Variants in TNS3 observed in about 807,000 individuals in gnomAD.
TNS3 encodes the protein tensin-3.
In TNS3, 45 loss-of-function variants were observed where a neutral mutation model predicts 140.9. That is an observed-to-expected ratio of 0.32 (90% CI 0.25 to 0.41). The LOEUF is 0.41. TNS3 is among the 10% of genes least tolerant of loss of function. The pLI, the probability that TNS3 is intolerant of heterozygous loss-of-function variation, is 1.00. For synonymous variants in TNS3, 815 were observed against 788.4 expected (o/e 1.03, Z -0.56); for missense variants, 1,716 against 1,906.7 (o/e 0.90, Z 1.86).
intron 24 of TNS3, among the ~76,000 whole-genome samples, chr7:47,294,721 CTG>C (rs1281207527): frequency 6.6e-6 from 1 of 152,230 alleles, no homozygotes; most frequent in South Asian, 2.1e-4. Context: ...ACAAATATCA[CTG>C]TGTCAGCATT....
intron 17 of TNS3, among the ~76,000 whole-genome samples, chr7:47,352,285 T>C (rs1789727549): frequency 6.6e-6 from 1 of 152,284 alleles, no homozygotes; most frequent in Admixed American, 6.5e-5. Flanking sequence ...TTTTTCATGA[T>C]ACACACATTG....
In TNS3 at chr7:47,480,880, G is replaced by A. The variant is rs554391295; in HGVS notation, c.-76+223C>T. 3.9e-4 allele frequency among the ~76,000 whole-genome samples: 60 copies of A among 152,342 alleles called. 1 individual carries two copies. Among genetic ancestry groups the A allele is most frequent in the African/African-American group, 1.4e-3 (59 of 41,582 alleles). The stretch of plus-strand genomic sequence containing the variant: ...TATTACTGATAGAAAGGCAGCTCCC[G>A]CAAAGGCGCAGCGGATCCTCTTCTC... On this transcript the variant is annotated intron_variant, in intron 4 of 30. Coordinates refer to ENST00000311160, the MANE Select transcript of TNS3 (RefSeq NM_022748.12).
At chr7:47,429,664 C>T (rs1352820057) in intron 8 of TNS3, among the ~76,000 whole-genome samples, 4 of 152,178 alleles carry the variant, frequency 2.6e-5, no homozygotes, top group African/African-American at 7.2e-5. Flanking sequence ...CGTGAGCCAC[C>T]GCACCCGGCC....
chr7:47,344,840 T>C lies in TNS3; in HGVS notation c.2567-2A>G, dbSNP rs1789234872. On this transcript the variant is annotated splice_acceptor_variant, in intron 19 of 30. Coordinates refer to ENST00000311160, the MANE Select transcript of TNS3 (RefSeq NM_022748.12). LOFTEE classifies it high-confidence loss of function. ...GAGGATGGCGCAGCGCTGTTTTCAC[T>C]GGAAAAGAAAGCAGAGCAAGGGGCT... The C allele has an allele frequency of 6.2e-7, 1 of 1,613,736 alleles. No individual in the cohort carries two copies.
chr7:47,428,091 A>C (rs1459982200), intron 9 of TNS3, among the ~76,000 whole-genome samples: 1 of 152,148 alleles, frequency 6.6e-6, no homozygotes, highest in African/African-American at 2.4e-5. Flanking sequence ...ACTTAGAATC[A>C]ATCACACAGT....
intron 4 of TNS3, among the ~76,000 whole-genome samples, chr7:47,467,443 GA>G (rs1796766577): frequency 6.6e-6 from 1 of 152,104 alleles, no homozygotes. Context: ...ATTGTTTCCT[GA>G]TACTCTCGGG....
rs866095914 is a variant in TNS3 at position 47,283,987 on chromosome 7, T to C, written c.3929-122A>G. 24 of 899,206 alleles carry C rather than the reference T, an allele frequency of 2.7e-5. 2 individuals carry two copies. In the Middle Eastern group the frequency reaches 5.3e-3, roughly 199 times the overall value. 55.7% of individuals were successfully genotyped at this position (899,206 alleles called of 1,614,324 possible). ...ATGAACAACTTGCGCATGTGGCCTA[T>C]GCTGGGTGCATGTAAGGCAGATGGC... On this transcript the variant is annotated intron_variant, in intron 27 of 30. Transcript: ENST00000311160.
At chr7:47,402,497 A>C (rs551849081) in intron 13 of TNS3, among the ~76,000 whole-genome samples, 20 of 152,344 alleles carry the variant, frequency 1.3e-4, no homozygotes, top group African/African-American at 4.6e-4. Flanking sequence ...ACTTCTCAGC[A>C]AGACTCAATC....
chr7:47,507,855 C>A (rs1798477186), intron 2 of TNS3, among the ~76,000 whole-genome samples: 1 of 152,350 alleles, frequency 6.6e-6, no homozygotes, highest in South Asian at 2.1e-4. Context: ...ACAGGGACAG[C>A]TGTGGGAGGA....
intron 1 of TNS3, among the ~76,000 whole-genome samples, chr7:47,553,759 T>C (rs1045372779): frequency 1.3e-5 from 2 of 152,138 alleles, no homozygotes; most frequent in African/African-American, 4.8e-5. Flanking sequence ...CTATGGCCCA[T>C]GGATCAAGGA....
rs149627083 is a variant in TNS3, at chr7:47,393,827, C to T, written c.1024+2973G>A. 2.6e-5 allele frequency among the ~76,000 whole-genome samples: 4 copies of T among 152,292 alleles called. No individual in the cohort carries two copies. In the East Asian group the frequency reaches 5.8e-4, roughly 22 times the overall value. ...CTCCTGTCTGGGAACCACTCTTTCC[C>T]GGGTGTCCTTCCCACTCTGCCCTGT... On this transcript the variant is annotated intron_variant, in intron 16 of 30. Coordinates refer to ENST00000311160, the MANE Select transcript of TNS3 (RefSeq NM_022748.12).
At chr7:47,459,136 T>G (rs1053397815) in intron 4 of TNS3, among the ~76,000 whole-genome samples, 23 of 152,198 alleles carry the variant, frequency 1.5e-4, no homozygotes, top group African/African-American at 5.1e-4. Flanking sequence ...TAACAGCATG[T>G]TTTTTGGTCT....
At chr7:47,291,796 C>A (rs1259615706) in intron 27 of TNS3, among the ~76,000 whole-genome samples, 159 bp downstream of exon 27, 1 of 152,152 alleles carries the variant, frequency 6.6e-6, no homozygotes, top group Non-Finnish European at 1.5e-5. Context: ...AACAACTGCA[C>A]CCCACCCAGC....
intron 23 of TNS3, among the ~76,000 whole-genome samples, chr7:47,300,118 C>T (rs1319501767): frequency 6.6e-6 from 1 of 151,872 alleles, no homozygotes; most frequent in Non-Finnish European, 1.5e-5. Flanking sequence ...TGTTTTTTTT[C>T]CTCCTGCATC....
chr7:47,293,636 C>T (rs929958076), intron 25 of TNS3, 97 bp downstream of exon 25: 5 of 1,048,980 alleles, frequency 4.8e-6, no homozygotes, highest in Non-Finnish European at 7.4e-6. Flanking sequence ...GAGTAAACCA[C>T]CATAAGAGTG....
chr7:47,581,001 G>T (rs955495837), intron 1 of TNS3, among the ~76,000 whole-genome samples: 11 of 152,270 alleles, frequency 7.2e-5, no homozygotes, highest in Non-Finnish European at 1.3e-4. Flanking sequence ...CTTCCCAGGG[G>T]GTTGTGACCA....
At chr7:47,355,810 G>A (rs142033194) in intron 17 of TNS3, among the ~76,000 whole-genome samples, 1 of 152,124 alleles carries the variant, frequency 6.6e-6, no homozygotes, top group Non-Finnish European at 1.5e-5. Context: ...CTTGGAGACT[G>A]ATCTTTGCCA....
At chr7:47,289,738 T>A (rs1785596487) in intron 27 of TNS3, among the ~76,000 whole-genome samples, 1 of 152,166 alleles carries the variant, frequency 6.6e-6, no homozygotes. Context: ...TGATGAAAGA[T>A]ACAAAAAACT....
intron 15 of TNS3, among the ~76,000 whole-genome samples, chr7:47,398,522 T>C (rs975968332): frequency 2.0e-5 from 3 of 152,018 alleles, no homozygotes; most frequent in Non-Finnish European, 4.4e-5. Context: ...ATTTAACATA[T>C]AGAAGTCAAT....
Sources: gnomAD v4.1 joint callset for allele counts (sites outside exome capture counted in the v4.1 genomes callset) on GRCh38, gnomAD v4.1.1 for gene constraint, MANE v1.5 for transcripts, NCBI Gene and HGNC (gene_info 2026-07-23, HGNC 2026-07-21) for gene names.